Variants in CACNA2D1 observed in about 807,000 individuals in gnomAD.
CACNA2D1 encodes the protein voltage-dependent calcium channel subunit alpha-2/delta-1.
Under a neutral mutation model 171.5 loss-of-function variants are expected in CACNA2D1, and 53 were observed. That is an observed-to-expected ratio of 0.31 (90% CI 0.25 to 0.39). The LOEUF (loss-of-function observed/expected upper bound fraction) is 0.39, where lower values mean the gene tolerates loss of function less well. Ranked by LOEUF, CACNA2D1 falls within the 10% of genes least tolerant of loss-of-function variation. CACNA2D1 has a pLI of 1.00. For missense variants in CACNA2D1, 903 were observed against 1,299.8 expected (o/e 0.69, Z 4.69); for synonymous variants, 442 against 443.1 (o/e 1.00, Z 0.03).
chr7:82,120,890 A>AG (rs1213630072), intron 5 of CACNA2D1, among the ~76,000 whole-genome samples: 15 of 151,778 alleles, frequency 9.9e-5, no homozygotes, highest in African/African-American at 3.4e-4. Context: ...AAAAAAAAAA[A>AG]AAGAATGTTT....
At chr7:82,012,471 C>T (rs1799916529) in intron 14 of CACNA2D1, among the ~76,000 whole-genome samples, 1 of 151,984 alleles carries the variant, frequency 6.6e-6, no homozygotes, top group Non-Finnish European at 1.5e-5. Context: ...AATATATCTA[C>T]CCCAGTTTTT....
chr7:82,192,463 TG>T (rs1798409148), intron 3 of CACNA2D1, among the ~76,000 whole-genome samples: 379 of 1,666 alleles, frequency 0.23, 2 homozygotes, highest in African/African-American at 0.38. Flanking sequence ...TTTGTGTTTG[TG>T]TGTGTGTGTG....
At chr7:82,244,404 A>T (rs1804670367) in intron 3 of CACNA2D1, among the ~76,000 whole-genome samples, 1 of 152,142 alleles carries the variant, frequency 6.6e-6, no homozygotes, top group Admixed American at 6.6e-5. Context: ...AATATTAATC[A>T]TATTGCATTT....
intron 3 of CACNA2D1, among the ~76,000 whole-genome samples, chr7:82,172,393 T>C (rs1796103391): frequency 6.6e-6 from 1 of 151,880 alleles, no homozygotes; most frequent in Admixed American, 6.6e-5. Context: ...ATAGAAACAC[T>C]TCAGTATGGG....
At chr7:82,066,104 A>C (rs1807566388) in intron 8 of CACNA2D1, among the ~76,000 whole-genome samples, 1 of 152,142 alleles carries the variant, frequency 6.6e-6, no homozygotes, top group Admixed American at 6.6e-5. Flanking sequence ...GCCAGAGGCA[A>C]ATTATCTCCT....
chr7:82,045,120 T>C (rs1804402479), intron 10 of CACNA2D1, among the ~76,000 whole-genome samples: 3 of 5,604 alleles, frequency 5.4e-4, no homozygotes, highest in African/African-American at 8.1e-4. Flanking sequence ...CCCAGATTAA[T>C]AGAAAAAAAT....
At chr7:82,230,788 T>C (rs1175750646) in intron 3 of CACNA2D1, among the ~76,000 whole-genome samples, 3 of 152,210 alleles carry the variant, frequency 2.0e-5, no homozygotes, top group Non-Finnish European at 4.4e-5. Flanking sequence ...GAAATATACA[T>C]ATCTCTGAGA....
intron 16 of CACNA2D1, among the ~76,000 whole-genome samples, chr7:82,006,718 A>G (rs1224467436): frequency 6.6e-6 from 1 of 152,106 alleles, no homozygotes; most frequent in Non-Finnish European, 1.5e-5. Flanking sequence ...GTGAACACGT[A>G]TGAGAAAGTG....
chr7:82,170,753 T>C, intron 3 of CACNA2D1, 144 bp from the exon 4 acceptor site: 1 of 751,746 alleles, frequency 1.3e-6, no homozygotes, highest in South Asian at 1.5e-5. Flanking sequence ...TTCTAAATCA[T>C]TTAGTAATCT....
chr7:82,105,083 A>G (rs1787578882), intron 6 of CACNA2D1, among the ~76,000 whole-genome samples: 1 of 151,632 alleles, frequency 6.6e-6, no homozygotes. Context: ...ACACTGTCTT[A>G]TTCTTTTTAA....
chr7:82,342,514 TTAAG>T (rs1308115482), intron 2 of CACNA2D1, among the ~76,000 whole-genome samples: 3 of 152,196 alleles, frequency 2.0e-5, no homozygotes, highest in Admixed American at 6.5e-5. Context: ...AAAATCATGG[TTAAG>T]TAAGATGCTA....
At chr7:81,975,301 T>TA (rs1795723979) in intron 24 of CACNA2D1, among the ~76,000 whole-genome samples, 2 of 152,150 alleles carry the variant, frequency 1.3e-5, no homozygotes. Context: ...TAAAGTTCAT[T>TA]ACATGTTAAT....
chr7:82,428,797 A>C (rs1405165391), intron 1 of CACNA2D1, among the ~76,000 whole-genome samples: 1 of 152,226 alleles, frequency 6.6e-6, no homozygotes, highest in Non-Finnish European at 1.5e-5. Flanking sequence ...CACACAGGCT[A>C]TACCAGAAGC....
intron 4 of CACNA2D1, among the ~76,000 whole-genome samples, chr7:82,154,448 G>T (rs1457514472): frequency 6.6e-6 from 1 of 151,980 alleles, no homozygotes; most frequent in Admixed American, 6.6e-5. Flanking sequence ...CACAGGAAGG[G>T]GAACAACACA....
chr7:82,072,364 G>T (rs1361192963), intron 7 of CACNA2D1, among the ~76,000 whole-genome samples: 1 of 151,786 alleles, frequency 6.6e-6, no homozygotes, highest in Admixed American at 6.6e-5. Flanking sequence ...AAAAATAAAA[G>T]TAAAAAACTT....
chr7:82,008,900 T>C (rs1799428461), intron 15 of CACNA2D1, among the ~76,000 whole-genome samples: 1 of 152,064 alleles, frequency 6.6e-6, no homozygotes, highest in Admixed American at 6.6e-5. Context: ...GAGACAATAA[T>C]AGAGAAGCTT....
rs138765277 is a variant in CACNA2D1 at position 82,154,252 on chromosome 7, C to T, written c.354+16298G>A. ...ATTTGTATAAAAAGCAGACAATAGT[C>T]TAATATCACTTTTAATTTTTTAAAT... is the stretch of plus-strand genomic sequence containing the variant. On this transcript the variant is annotated intron_variant, in intron 4 of 38. Transcript: ENST00000356860. 1.2e-3 allele frequency among the ~76,000 whole-genome samples: 184 copies of T among 152,232 alleles called. 2 individuals carry two copies. In the East Asian group the frequency reaches 0.027, roughly 23 times the overall value.
intron 3 of CACNA2D1, among the ~76,000 whole-genome samples, chr7:82,222,241 T>C (rs540631153): frequency 2.1e-4 from 32 of 152,310 alleles, no homozygotes; most frequent in South Asian, 1.7e-3. Flanking sequence ...TTAGATGATG[T>C]TCAGCCAGAA....
chr7:82,224,310 G>T (rs1053905943), intron 3 of CACNA2D1, among the ~76,000 whole-genome samples: 1 of 152,132 alleles, frequency 6.6e-6, no homozygotes, highest in Non-Finnish European at 1.5e-5. Flanking sequence ...ATATTTGGCC[G>T]GGCGCAGTGG....
Sources: allele counts gnomAD v4.1 joint callset (sites outside exome capture counted in the v4.1 genomes callset), GRCh38; gene constraint gnomAD v4.1.1; transcripts MANE v1.5; gene names NCBI Gene and HGNC (gene_info 2026-07-23, HGNC 2026-07-21).